Variants in FMNL2 observed in about 807,000 individuals in gnomAD.
FMNL2 encodes formin-like protein 2.
FMNL2 carries 51 observed loss-of-function variants against 130.2 expected under a neutral mutation model. The ratio of observed to expected loss-of-function variants is 0.39; its 90% CI spans 0.31 to 0.49. The LOEUF is 0.49. Among genes scored for constraint, FMNL2 ranks in the 20% least tolerant of loss-of-function variants. The pLI, the probability that FMNL2 is intolerant of heterozygous loss-of-function variation, is 0.85. For missense variants in FMNL2, 977 were observed against 1,316.2 expected, an observed-to-expected ratio of 0.74 and a Z score of 3.99; for synonymous variants, 465 against 467.1, an observed-to-expected ratio of 1.00 and a Z score of 0.06.
At chr2:152,529,183 A>G (rs1483650160) in intron 2 of FMNL2, among the ~76,000 whole-genome samples, 2 of 152,284 alleles carry the variant, frequency 1.3e-5, no homozygotes, top group East Asian at 3.9e-4. Context: ...TTCATTGACT[A>G]GGCATTTAGT....
chr2:152,615,854 G>A (rs1698918336), intron 12 of FMNL2, among the ~76,000 whole-genome samples: 1 of 152,086 alleles, frequency 6.6e-6, no homozygotes, highest in South Asian at 2.1e-4. Flanking sequence ...GTTTTTTAAA[G>A]AGTGCTGCAT....
intron 9 of FMNL2, among the ~76,000 whole-genome samples, chr2:152,592,716 G>C (rs1462309961): frequency 1.3e-5 from 2 of 152,156 alleles, no homozygotes; most frequent in Non-Finnish European, 2.9e-5. Context: ...TAGGAACATA[G>C]AGGGAGAGCT....
intron 1 of FMNL2, among the ~76,000 whole-genome samples, chr2:152,360,774 G>T (rs1050674822): frequency 2.6e-5 from 4 of 152,080 alleles, no homozygotes; most frequent in Non-Finnish European, 5.9e-5. Flanking sequence ...ATGTTGGTCT[G>T]ACTTATTTTA....
In FMNL2 at chr2:152,547,852, A is replaced by G. The variant is rs117903441; in HGVS notation, c.283-1169A>G. 4.3e-4 allele frequency among the ~76,000 whole-genome samples: 65 copies of G among 152,302 alleles called. No homozygotes were observed. The East Asian group carries it at 9.9e-3, about 23-fold the overall frequency. On this transcript the variant is annotated intron_variant, in intron 3 of 25. Transcript: ENST00000288670. ...AAGGTGGTTCAGGTTCGTAGCACAG[A>G]TAGTCTGGAACTCCGCTTAGGAGGC...
chr2:152,611,105 C>T (rs753606315), intron 10 of FMNL2, among the ~76,000 whole-genome samples: 1 of 152,202 alleles, frequency 6.6e-6, no homozygotes, highest in South Asian at 2.1e-4. Context: ...CTTTGGGAGG[C>T]CCAGGCCGGC....
intron 1 of FMNL2, among the ~76,000 whole-genome samples, chr2:152,426,514 C>G (rs1411332263): frequency 6.6e-6 from 1 of 152,224 alleles, no homozygotes; most frequent in Non-Finnish European, 1.5e-5. Flanking sequence ...ATTCATCTCA[C>G]TTTGTCACGT....
chr2:152,637,944 T>C (rs553218506), intron 23 of FMNL2, among the ~76,000 whole-genome samples: 1 of 152,340 alleles, frequency 6.6e-6, no homozygotes, highest in South Asian at 2.1e-4. Flanking sequence ...TGCTGCCCCA[T>C]TGACTGTTCA....
intron 1 of FMNL2, among the ~76,000 whole-genome samples, chr2:152,517,580 T>C (rs779015013): frequency 6.6e-6 from 1 of 152,148 alleles, no homozygotes; most frequent in African/African-American, 2.4e-5. Context: ...AAGGTTCTAA[T>C]GATAAATGAC....
At position 152,625,351 on chromosome 2, in the gene FMNL2, G is replaced by A. The variant is rs1287039511; in HGVS notation, c.1838-87G>A. The A allele has an allele frequency of 4.1e-6, 6 of 1,469,548 alleles. No individual in the cohort carries two copies. In the African/African-American group the frequency reaches 5.6e-5, roughly 14 times the overall value. The allele number at this position is 1,469,548 out of a possible 1,614,324, so 91.0% of individuals were successfully genotyped here. A position where few individuals can be genotyped will look rare whatever the true frequency, so the allele number is the denominator to read the frequency against. Reference sequence around the variant, plus strand: ...GCCAACCTTCCTCCAGTGTCAAAGTGTCATCTGCAAGGACTGTTGTCTGAT... The same window carrying A: ...GCCAACCTTCCTCCAGTGTCAAAGTATCATCTGCAAGGACTGTTGTCTGAT... On this transcript the variant is annotated intron_variant, in intron 15 of 25. Coordinates refer to ENST00000288670, the MANE Select transcript of FMNL2 (RefSeq NM_052905.4).
chr2:152,482,990 T>C (rs1282285824), intron 1 of FMNL2, among the ~76,000 whole-genome samples: 2 of 152,164 alleles, frequency 1.3e-5, no homozygotes, highest in East Asian at 1.9e-4. Context: ...ACAGGCTCAC[T>C]GGGGGCAGGC....
chr2:152,599,861 A>G (rs73971910), intron 9 of FMNL2, among the ~76,000 whole-genome samples: 191 of 152,306 alleles, frequency 1.3e-3, no homozygotes, highest in African/African-American at 4.3e-3. Flanking sequence ...GAACATATTC[A>G]CAGTTAAATC....
intron 1 of FMNL2, among the ~76,000 whole-genome samples, chr2:152,503,355 A>G (rs1455839408): frequency 6.6e-6 from 1 of 152,138 alleles, no homozygotes; most frequent in African/African-American, 2.4e-5. Context: ...ATCCTGACCT[A>G]TTATAGGATT....
intron 1 of FMNL2, among the ~76,000 whole-genome samples, chr2:152,401,026 T>C (rs938188955): frequency 6.6e-6 from 1 of 152,228 alleles, no homozygotes; most frequent in Non-Finnish European, 1.5e-5. Flanking sequence ...TAAAGTTACA[T>C]GTAGGAAGAT....
chr2:152,634,263 T>C (rs1259978713), intron 21 of FMNL2, among the ~76,000 whole-genome samples: 1 of 152,038 alleles, frequency 6.6e-6, no homozygotes, highest in Non-Finnish European at 1.5e-5. Context: ...CGAAACCCTG[T>C]CTCTACTAAA....
At chr2:152,523,641 T>C (rs995007671) in intron 2 of FMNL2, among the ~76,000 whole-genome samples, 3 of 152,258 alleles carry the variant, frequency 2.0e-5, no homozygotes, top group Non-Finnish European at 4.4e-5. Flanking sequence ...GAATCTGTTC[T>C]GCTTCTCTCT....
chr2:152,403,807 C>T (rs760634331), intron 1 of FMNL2, among the ~76,000 whole-genome samples: 30 of 152,198 alleles, frequency 2.0e-4, no homozygotes, highest in Non-Finnish European at 3.1e-4. Context: ...CAGTGGCTCA[C>T]GCCTGTAATC....
At chr2:152,349,131 G>A (rs1682319361) in intron 1 of FMNL2, among the ~76,000 whole-genome samples, 2 of 125,736 alleles carry the variant, frequency 1.6e-5, no homozygotes, top group Non-Finnish European at 3.5e-5. Context: ...CACCGCGCCC[G>A]GCCACTTCTA....
intron 1 of FMNL2, among the ~76,000 whole-genome samples, chr2:152,507,036 A>G (rs1692212998): frequency 6.6e-6 from 1 of 152,230 alleles, no homozygotes; most frequent in Admixed American, 6.5e-5. Flanking sequence ...GTAAGATGTT[A>G]TGGAAAGGAA....
chr2:152,531,879 T>C (rs1693718547), intron 2 of FMNL2, among the ~76,000 whole-genome samples: 1 of 152,112 alleles, frequency 6.6e-6, no homozygotes, highest in South Asian at 2.1e-4. Context: ...AAGGAGAATA[T>C]TTATATATCT....
Sources: allele counts gnomAD v4.1 joint callset (sites outside exome capture counted in the v4.1 genomes callset), GRCh38; gene constraint gnomAD v4.1.1; transcripts MANE v1.5; gene names NCBI Gene and HGNC (gene_info 2026-07-23, HGNC 2026-07-21).